The following SEMA3C variants were observed in gnomAD, a reference collection of about 807,000 sequenced individuals.
SEMA3C encodes the protein semaphorin 3C, also known as semaphorin-3C.
SEMA3C carries 47 observed loss-of-function variants against 89.4 expected under a neutral mutation model. That is an observed-to-expected ratio of 0.53 (90% CI 0.42 to 0.67). The LOEUF is 0.67. Among genes scored for constraint, SEMA3C ranks in the 30% least tolerant of loss-of-function variants. The pLI is 0.00. For missense variants in SEMA3C, 839 were observed against 929.1 expected (o/e 0.90, Z 1.26); for synonymous variants, 310 against 320.2 (o/e 0.97, Z 0.34).
chr7:80,775,190 G>A (rs1214678052), intron 12 of SEMA3C, among the ~76,000 whole-genome samples: 1 of 152,058 alleles, frequency 6.6e-6, no homozygotes, highest in Non-Finnish European at 1.5e-5. Context: ...CCTGCATTTG[G>A]AGAAATTCTA....
Position 80,828,567 on chromosome 7 carries a change from T to C in SEMA3C, c.264+18A>G. 6.3e-7 allele frequency: 1 copy of C among 1,589,692 alleles called. No individual in the cohort carries two copies. Among genetic ancestry groups the C allele is most frequent in the Non-Finnish European group, 8.6e-7 (1 of 1,166,090 alleles). ...ATTGAAAAGGTGGACACTGTCCTCG[T>C]GAAAGTGATAAACTTACACTCAAAG... On this transcript the variant is annotated intron_variant, in intron 3 of 17. Transcript: ENST00000265361.
At chr7:80,762,136 T>C (rs903885905) in intron 13 of SEMA3C, among the ~76,000 whole-genome samples, 13 of 148,158 alleles carry the variant, frequency 8.8e-5, no homozygotes, top group African/African-American at 3.2e-4. Flanking sequence ...AAAACACATG[T>C]ATCAATATAG....
At chr7:80,864,832 C>T (rs1027289993) in intron 2 of SEMA3C, among the ~76,000 whole-genome samples, 2 of 152,068 alleles carry the variant, frequency 1.3e-5, no homozygotes, top group African/African-American at 4.8e-5. Context: ...ATATGTTGAC[C>T]AGAACTTACT....
At chr7:80,901,133 T>C (rs1791869597) in intron 2 of SEMA3C, among the ~76,000 whole-genome samples, 1 of 152,188 alleles carries the variant, frequency 6.6e-6, no homozygotes, top group African/African-American at 2.4e-5. Flanking sequence ...CAGAAATGAA[T>C]TGGGAACATA....
intron 12 of SEMA3C, among the ~76,000 whole-genome samples, chr7:80,786,271 A>G (rs1287704744): frequency 6.6e-6 from 1 of 152,244 alleles, no homozygotes; most frequent in African/African-American, 2.4e-5. Context: ...AATTTGTGCA[A>G]AAGTATGCTT....
chr7:80,834,306 T>C (rs1181222386), intron 2 of SEMA3C, among the ~76,000 whole-genome samples: 1 of 152,066 alleles, frequency 6.6e-6, no homozygotes, highest in Non-Finnish European at 1.5e-5. Flanking sequence ...TGGGGTAAAA[T>C]TTGCTGCACA....
At chr7:80,813,588 A>T (rs539734099) in intron 5 of SEMA3C, among the ~76,000 whole-genome samples, 2 of 152,350 alleles carry the variant, frequency 1.3e-5, no homozygotes, top group South Asian at 4.1e-4. Context: ...ACATGAGACT[A>T]GTTCTCTTAC....
At chr7:80,905,843 G>C (rs2116217898) in intron 2 of SEMA3C, 1 of 1,289,036 alleles carries the variant, frequency 7.8e-7, no homozygotes, top group East Asian at 5.5e-5. Context: ...GTAGGTGGTT[G>C]CTGAGGACCA....
chr7:80,916,641 A>G, intron 2 of SEMA3C, 38 bp downstream of exon 2: 1 of 1,569,928 alleles, frequency 6.4e-7, no homozygotes, highest in Non-Finnish European at 8.6e-7. Flanking sequence ...CAAAACTTAA[A>G]ATAACATTTT....
At chr7:80,821,325 C>T (rs1272460009) in intron 4 of SEMA3C, among the ~76,000 whole-genome samples, 2 of 152,196 alleles carry the variant, frequency 1.3e-5, no homozygotes, top group Non-Finnish European at 2.9e-5. Flanking sequence ...TAGGTAGTAA[C>T]TAAAGCAGAT....
intron 4 of SEMA3C, among the ~76,000 whole-genome samples, chr7:80,822,579 T>A (rs17154517): frequency 6.6e-6 from 1 of 152,048 alleles, no homozygotes; most frequent in Non-Finnish European, 1.5e-5. Flanking sequence ...ATAGAGAATA[T>A]TGCAGAGAAG....
intron 14 of SEMA3C, among the ~76,000 whole-genome samples, chr7:80,759,932 G>A (rs1788146333): frequency 6.6e-6 from 1 of 152,144 alleles, no homozygotes. Context: ...AAGGATACTA[G>A]TATATTTGAG....
chr7:80,744,870 G>A lies in SEMA3C; in HGVS notation c.*24C>T. 1 of 1,612,200 alleles carries A rather than the reference G, an allele frequency of 6.2e-7. No individual in the cohort carries two copies. Among genetic ancestry groups the A allele is most frequent in the Non-Finnish European group, 8.5e-7 (1 of 1,178,578 alleles). ...GAAGACAGAGCATTTGTTAATGGAAGCATAAGACCCACATAAGAAAATATT... is the reference window on the plus strand; with the variant it reads ...GAAGACAGAGCATTTGTTAATGGAAACATAAGACCCACATAAGAAAATATT... On this transcript the variant is annotated 3_prime_UTR_variant, in exon 18 of 18. Coordinates refer to ENST00000265361, the MANE Select transcript of SEMA3C (RefSeq NM_006379.5).
At chr7:80,750,473 T>TATATATATATACACACACACAC (rs869227686) in intron 16 of SEMA3C, among the ~76,000 whole-genome samples, 6 of 55,418 alleles carry the variant, frequency 1.1e-4, no homozygotes, top group Non-Finnish European at 2.1e-4. Flanking sequence ...TATATATATA[T>TATATATATATACACACACACAC]ACACACACAC....
At chr7:80,747,448 TA>T (rs1787827931) in intron 17 of SEMA3C, among the ~76,000 whole-genome samples, 2 of 152,290 alleles carry the variant, frequency 1.3e-5, no homozygotes, top group Non-Finnish European at 2.9e-5. Flanking sequence ...CTTGTTTAAG[TA>T]TTACTTACCC....
chr7:80,846,267 G>A (rs976053051), intron 2 of SEMA3C, among the ~76,000 whole-genome samples: 2 of 152,070 alleles, frequency 1.3e-5, no homozygotes, highest in Admixed American at 1.3e-4. Context: ...TATCTGTATT[G>A]TTTGGAAAAC....
chr7:80,779,444 A>G (rs1357721984), intron 12 of SEMA3C, among the ~76,000 whole-genome samples: 1 of 152,164 alleles, frequency 6.6e-6, no homozygotes, highest in Non-Finnish European at 1.5e-5. Flanking sequence ...TCATATATCT[A>G]CCAATCAAGC....
chr7:80,919,323 G>C (rs1395463940), upstream of SEMA3C: 2 of 985,296 alleles, frequency 2.0e-6, no homozygotes, highest in Non-Finnish European at 2.4e-6. Context: ...TGGAGCCCTA[G>C]CTCCGCAACC....
intron 2 of SEMA3C, among the ~76,000 whole-genome samples, chr7:80,902,997 G>C (rs1400884762): frequency 6.6e-6 from 1 of 152,168 alleles, no homozygotes; most frequent in Non-Finnish European, 1.5e-5. Context: ...CTGGAACTGA[G>C]AGCCCTGACA....
Sources: gnomAD v4.1 joint callset for allele counts (sites outside exome capture counted in the v4.1 genomes callset) on GRCh38, gnomAD v4.1.1 for gene constraint, MANE v1.5 for transcripts, NCBI Gene and HGNC (gene_info 2026-07-23, HGNC 2026-07-21) for gene names.